Variants in B3GAT2 observed in about 807,000 individuals in gnomAD.
B3GAT2 encodes the protein beta-1,3-glucuronyltransferase 2, also known as galactosylgalactosylxylosylprotein 3-beta-glucuronosyltransferase 2.
A neutral mutation model predicts 27.8 loss-of-function variants in B3GAT2; 26 were observed. The observed-to-expected ratio is 0.93, with a 90% CI of 0.68 to 1.30. The LOEUF is 1.30. Ranked by LOEUF, B3GAT2 falls within the 50% of genes most tolerant of loss-of-function variation. The probability of loss-of-function intolerance (pLI) is 0.00; values close to 1 mark genes in which losing one functional copy is unlikely to be tolerated. For synonymous variants in B3GAT2, 218 were observed against 195.1 expected, an observed-to-expected ratio of 1.12 and a Z score of -0.98; for missense variants, 458 against 459.0, an observed-to-expected ratio of 1.00 and a Z score of 0.02.
At chr6:70,912,306 C>G (rs1455711766) in intron 1 of B3GAT2, among the ~76,000 whole-genome samples, 1 of 151,890 alleles carries the variant, frequency 6.6e-6, no homozygotes, top group African/African-American at 2.4e-5. Context: ...TCCTTTGATG[C>G]CTAGTTTGTT....
At chr6:70,926,564 G>T (rs1351439699) in intron 1 of B3GAT2, among the ~76,000 whole-genome samples, 3 of 152,204 alleles carry the variant, frequency 2.0e-5, no homozygotes, top group Non-Finnish European at 4.4e-5. Flanking sequence ...TCAACTGGAA[G>T]AAAGGGTATC....
intron 1 of B3GAT2, among the ~76,000 whole-genome samples, chr6:70,952,005 G>T (rs1172075267): frequency 6.6e-6 from 1 of 152,012 alleles, no homozygotes; most frequent in Non-Finnish European, 1.5e-5. Flanking sequence ...ACTATTTAGG[G>T]GGGAAAGGGC....
intron 1 of B3GAT2, among the ~76,000 whole-genome samples, chr6:70,939,753 G>A (rs189529302): frequency 6.6e-6 from 1 of 150,658 alleles, no homozygotes; most frequent in East Asian, 2.0e-4. Context: ...GTGGGGTGGG[G>A]GTTGGGGGGA....
At chr6:70,927,815 T>C (rs1291047747) in intron 1 of B3GAT2, among the ~76,000 whole-genome samples, 1 of 152,200 alleles carries the variant, frequency 6.6e-6, no homozygotes, top group African/African-American at 2.4e-5. Flanking sequence ...GGACTTGAAC[T>C]CAGCTCTGCA....
intron 1 of B3GAT2, among the ~76,000 whole-genome samples, chr6:70,915,394 A>G (rs1347899934): frequency 6.6e-6 from 1 of 152,130 alleles, no homozygotes; most frequent in Non-Finnish European, 1.5e-5. Flanking sequence ...TGCTGTGCAG[A>G]AGCTGTTTAG....
intron 1 of B3GAT2, among the ~76,000 whole-genome samples, chr6:70,900,468 A>G (rs1772479554): frequency 6.6e-6 from 1 of 151,602 alleles, no homozygotes; most frequent in Non-Finnish European, 1.5e-5. Context: ...TACTCACTGC[A>G]GCCCCCAACT....
intron 2 of B3GAT2, among the ~76,000 whole-genome samples, chr6:70,875,300 T>C (rs911726653): frequency 6.6e-6 from 1 of 152,172 alleles, no homozygotes; most frequent in Non-Finnish European, 1.5e-5. Context: ...CCCTGTACTT[T>C]CCAGCCCTGG....
chr6:70,926,667 G>A (rs1010992429), intron 1 of B3GAT2, among the ~76,000 whole-genome samples: 3 of 152,178 alleles, frequency 2.0e-5, no homozygotes, highest in African/African-American at 7.2e-5. Context: ...CAAGAAATAT[G>A]GGACTATGTG....
At chr6:70,953,405 C>T (rs1340906921) in intron 1 of B3GAT2, among the ~76,000 whole-genome samples, 3 of 152,114 alleles carry the variant, frequency 2.0e-5, no homozygotes, top group African/African-American at 7.2e-5. Flanking sequence ...ATTCCACTAG[C>T]CTAATGATGG....
intron 2 of B3GAT2, among the ~76,000 whole-genome samples, chr6:70,879,946 G>A (rs537474752): frequency 4.6e-5 from 7 of 152,166 alleles, no homozygotes; most frequent in Non-Finnish European, 1.0e-4. Context: ...ATGGAGAAAC[G>A]AAGTGCAAGG....
intron 2 of B3GAT2, 154 bp from the exon 3 acceptor site, chr6:70,862,132 T>G (rs1432487323): frequency 1.2e-5 from 8 of 669,700 alleles, no homozygotes; most frequent in Non-Finnish European, 2.0e-5. Flanking sequence ...TTACCTGTAT[T>G]ACAGTCTCAA....
At chr6:70,909,212 G>A (rs945638758) in intron 1 of B3GAT2, among the ~76,000 whole-genome samples, 2 of 152,090 alleles carry the variant, frequency 1.3e-5, no homozygotes, top group Non-Finnish European at 1.5e-5. Flanking sequence ...CAGTGTTTAT[G>A]TAAATAAGGC....
At chr6:70,912,983 G>A (rs574664589) in intron 1 of B3GAT2, among the ~76,000 whole-genome samples, 1 of 152,042 alleles carries the variant, frequency 6.6e-6, no homozygotes, top group South Asian at 2.1e-4. Context: ...GTCTTTTAAG[G>A]TTTTTTATAT....
intron 1 of B3GAT2, among the ~76,000 whole-genome samples, chr6:70,954,957 G>A (rs1404855697): frequency 6.6e-6 from 1 of 151,074 alleles, no homozygotes; most frequent in Admixed American, 6.6e-5. Flanking sequence ...GGGAACTCAT[G>A]GGCCATCTCA....
chr6:70,909,772 TATCTGAATTCAG>T (rs910016817), intron 1 of B3GAT2, among the ~76,000 whole-genome samples: 1 of 152,228 alleles, frequency 6.6e-6, no homozygotes, highest in Admixed American at 6.5e-5. Context: ...GTTAAACAAA[TATCTGAATTCAG>T]ATCTTTGCTT....
Position 70,861,852 on chromosome 6 carries a change from G to C in B3GAT2, c.863C>G (p.Pro288Arg). Residue 288 changes from proline to arginine, a missense_variant, in exon 3 of 4, where the codon CCG (proline) becomes CGG (arginine). By Grantham distance (103) the Pro-to-Arg change is moderately radical. Coordinates refer to ENST00000230053, the MANE Select transcript of B3GAT2 (RefSeq NM_080742.3). ...KQITTVEELE[P>R]KANNCTKVLV... ...TACCTTAGTGCAGTTATTTGCTTTC[G>C]GTTCCAGTTCTTCGACTGTTGTTAT... 1 of 1,614,002 alleles carries C rather than the reference G, an allele frequency of 6.2e-7. No homozygotes were observed. Among genetic ancestry groups the C allele is most frequent in the Non-Finnish European group, 8.5e-7 (1 of 1,179,976 alleles).
At chr6:70,862,710 C>A (rs764594009) in intron 2 of B3GAT2, among the ~76,000 whole-genome samples, 5 of 152,172 alleles carry the variant, frequency 3.3e-5, no homozygotes, top group Non-Finnish European at 7.3e-5. Flanking sequence ...TGTCTCACAT[C>A]TGTAATCTCA....
chr6:70,907,876 A>G (rs1054326376), intron 1 of B3GAT2, among the ~76,000 whole-genome samples: 3 of 152,212 alleles, frequency 2.0e-5, no homozygotes, highest in Admixed American at 2.0e-4. Context: ...TGCAGCTGCC[A>G]ATATTTAGTT....
rs184363830 is a variant in B3GAT2, at chr6:70,891,703, G to C, written c.736+2425C>G. ...AGGCTCCAATATGGTGCTCTCACTT[G>C]ACTATCACAGAGCATTTTCAAAGTA... On this transcript the variant is annotated intron_variant, in intron 2 of 3. Transcript: ENST00000230053. 1.3e-4 allele frequency among the ~76,000 whole-genome samples: 19 copies of C among 151,920 alleles called. No individual in the cohort carries two copies. In the East Asian group the frequency reaches 3.7e-3, roughly 29 times the overall value.
Sources: allele counts gnomAD v4.1 joint callset (sites outside exome capture counted in the v4.1 genomes callset), GRCh38; gene constraint gnomAD v4.1.1; transcripts MANE v1.5; gene names NCBI Gene and HGNC (gene_info 2026-07-23, HGNC 2026-07-21).